The following GKAP1 variants were observed in gnomAD, a reference collection of about 807,000 sequenced individuals.
GKAP1 encodes the protein G kinase anchoring protein 1.
A neutral mutation model predicts 56.7 loss-of-function variants in GKAP1; 31 were observed. The observed-to-expected ratio is 0.55, with a 90% CI of 0.41 to 0.74. The LOEUF is 0.74. GKAP1 is among the 30% of genes least tolerant of loss of function. GKAP1 has a pLI of 0.00. For missense variants in GKAP1, 364 were observed against 402.3 expected (o/e 0.90, Z 0.82); for synonymous variants, 151 against 138.6 (o/e 1.09, Z -0.63).
rs1564199151 is a variant in GKAP1, at chr9:83,774,701, C to CTTTTTTTTTTTT, written c.585+5680_585+5681insAAAAAAAAAAAA. On this transcript the variant is annotated intron_variant, in intron 7 of 12. Transcript: ENST00000376371. The stretch of plus-strand genomic sequence containing the variant: ...AGAAACTATCAATAAACAGAAACCC[C>CTTTTTTTTTTTT]CTTTTTTTTTTTTTTTTTTTTTTTT... 5.0e-5 allele frequency among the ~76,000 whole-genome samples: 5 copies of CTTTTTTTTTTTT among 100,942 alleles called. 2 individuals are homozygous for CTTTTTTTTTTTT. The highest frequency in any genetic ancestry group is 4.1e-5 in the Non-Finnish European group (2 of 49,358). The allele number at this position is 100,942 out of a possible 152,430, so 66.2% of individuals were successfully genotyped here.
At chr9:83,792,265 T>C (rs1944172130) in intron 4 of GKAP1, among the ~76,000 whole-genome samples, 1 of 152,196 alleles carries the variant, frequency 6.6e-6, no homozygotes, top group Non-Finnish European at 1.5e-5. Context: ...TACTCTCCCA[T>C]GTTGGAGAAT....
rs529091744 is a variant in GKAP1 at position 83,783,287 on chromosome 9, C to T, written c.562+1428G>A. Reference sequence around the variant, plus strand: ...TTCATACGGTGAGCAACTATTCTGACGGGTATAGACACAGCGCTGTTCAAT... The same window carrying T: ...TTCATACGGTGAGCAACTATTCTGATGGGTATAGACACAGCGCTGTTCAAT... On this transcript the variant is annotated intron_variant, in intron 6 of 12. Coordinates refer to ENST00000376371, the MANE Select transcript of GKAP1 (RefSeq NM_025211.4). 8.5e-5 allele frequency among the ~76,000 whole-genome samples: 13 copies of T among 152,138 alleles called. No homozygotes were observed. The South Asian group carries it at 2.5e-3, about 29-fold the overall frequency.
At chr9:83,763,318 G>C (rs968159715) in intron 8 of GKAP1, among the ~76,000 whole-genome samples, 1 of 152,182 alleles carries the variant, frequency 6.6e-6, no homozygotes, top group Non-Finnish European at 1.5e-5. Context: ...AGGTGGTTAG[G>C]ATAGTTAATT....
rs536622445 is a variant in GKAP1, at chr9:83,774,593, C to CA, written c.586-5624dup. Among the ~76,000 whole-genome samples, 485 of 76,772 alleles carry CA rather than the reference C, an allele frequency of 6.3e-3. 4 individuals carry two copies. Among genetic ancestry groups the CA allele is most frequent in the African/African-American group, 0.011 (224 of 19,924 alleles). 50.4% of individuals were successfully genotyped at this position (76,772 alleles called of 152,430 possible). The stretch of plus-strand genomic sequence containing the variant: ...TGGGTGACAGAGCAAGACCCTGTCT[C>CA]AAAAAAAAAAAAAGCCAATTGTAGC... On this transcript the variant is annotated intron_variant, in intron 7 of 12. Transcript: ENST00000376371.
At chr9:83,772,675 G>T (rs1220166955) in intron 7 of GKAP1, among the ~76,000 whole-genome samples, 1 of 152,140 alleles carries the variant, frequency 6.6e-6, no homozygotes, top group Non-Finnish European at 1.5e-5. Context: ...TAGCCTGGAA[G>T]AAAGTATTTG....
intron 4 of GKAP1, among the ~76,000 whole-genome samples, chr9:83,791,523 A>G (rs1032558835): frequency 6.6e-6 from 1 of 152,256 alleles, no homozygotes; most frequent in African/African-American, 2.4e-5. Context: ...AACACAAACT[A>G]GTATACAAGA....
At chr9:83,803,025 C>G (rs1337047581) in intron 3 of GKAP1, among the ~76,000 whole-genome samples, 9 of 152,004 alleles carry the variant, frequency 5.9e-5, no homozygotes, top group Non-Finnish European at 1.3e-4. Flanking sequence ...GGGAGGATCA[C>G]TTGAGCCTGG....
intron 10 of GKAP1, among the ~76,000 whole-genome samples, chr9:83,747,903 C>G (rs960653944): frequency 6.6e-6 from 1 of 152,118 alleles, no homozygotes; most frequent in Non-Finnish European, 1.5e-5. Context: ...TCCCAAAGTG[C>G]TAGGATTACA....
chr9:83,741,805 G>A (rs1808450964), intron 12 of GKAP1, 147 bp downstream of exon 12: 1 of 594,884 alleles, frequency 1.7e-6, no homozygotes, highest in African/African-American at 1.9e-5. Context: ...CTTCTACATT[G>A]TAAATTATAT....
chr9:83,750,963 G>C (rs1374242144), intron 9 of GKAP1, among the ~76,000 whole-genome samples: 2 of 152,140 alleles, frequency 1.3e-5, no homozygotes, highest in Admixed American at 6.5e-5. Context: ...AGCATTCCAA[G>C]TAGCTGGGAC....
At chr9:83,806,234 A>T (rs1455033271) in intron 3 of GKAP1, 68 bp downstream of exon 3, 9 of 1,007,536 alleles carry the variant, frequency 8.9e-6, no homozygotes, top group Non-Finnish European at 1.3e-5. Context: ...CAGGGGAACA[A>T]GATAGTATCT....
chr9:83,796,046 C>A (rs1944240951), intron 4 of GKAP1, among the ~76,000 whole-genome samples: 1 of 152,140 alleles, frequency 6.6e-6, no homozygotes, highest in African/African-American at 2.4e-5. Context: ...GAATCTAATT[C>A]TTAAAACGCT....
chr9:83,768,080 G>T (rs1466159347), intron 8 of GKAP1, among the ~76,000 whole-genome samples: 1 of 152,082 alleles, frequency 6.6e-6, no homozygotes. Context: ...TTTGATTCAT[G>T]GGCTATAGCT....
At chr9:83,814,169 C>G (rs1050289896) in intron 2 of GKAP1, among the ~76,000 whole-genome samples, 1 of 152,124 alleles carries the variant, frequency 6.6e-6, no homozygotes, top group Admixed American at 6.5e-5. Flanking sequence ...TTTACATATA[C>G]TTCATACCCA....
chr9:83,791,110 T>C (rs192981005), intron 4 of GKAP1, among the ~76,000 whole-genome samples: 28 of 152,142 alleles, frequency 1.8e-4, no homozygotes, highest in Admixed American at 4.6e-4. Flanking sequence ...CTGAATGAAA[T>C]AGAAATTTTA....
chr9:83,813,717 A>G (rs996436939), intron 2 of GKAP1, among the ~76,000 whole-genome samples: 7 of 152,258 alleles, frequency 4.6e-5, no homozygotes, highest in African/African-American at 1.7e-4. Flanking sequence ...CATTCTCAAT[A>G]TGCAGGCAGT....
intron 7 of GKAP1, among the ~76,000 whole-genome samples, chr9:83,772,438 G>A (rs978645320): frequency 2.0e-5 from 3 of 152,090 alleles, no homozygotes; most frequent in African/African-American, 7.2e-5. Context: ...ACTCTTAAAG[G>A]AAGAACTAAA....
chr9:83,780,299 C>CA, intron 7 of GKAP1, 83 bp downstream of exon 7: 2 of 820,474 alleles, frequency 2.4e-6, no homozygotes, highest in South Asian at 3.6e-5. Flanking sequence ...GATTATGTCT[C>CA]AAAAAAGACT....
chr9:83,775,142 T>C (rs1212214253), intron 7 of GKAP1, among the ~76,000 whole-genome samples: 1 of 152,098 alleles, frequency 6.6e-6, no homozygotes, highest in Non-Finnish European at 1.5e-5. Flanking sequence ...TAGCTGGGAC[T>C]ACAGGTGTGC....
Sources: allele counts gnomAD v4.1 joint callset (sites outside exome capture counted in the v4.1 genomes callset), GRCh38; gene constraint gnomAD v4.1.1; transcripts MANE v1.5; gene names NCBI Gene and HGNC (gene_info 2026-07-23, HGNC 2026-07-21).